Variants in HERC1 observed in about 807,000 individuals in gnomAD.
HERC1 encodes probable E3 ubiquitin-protein ligase HERC1.
A neutral mutation model predicts 554.3 loss-of-function variants in HERC1; 160 were observed. That is an observed-to-expected ratio of 0.29 (90% CI 0.25 to 0.33). The LOEUF (loss-of-function observed/expected upper bound fraction) is 0.33, where lower values mean the gene tolerates loss of function less well. HERC1 is among the 10% of genes least tolerant of loss of function. The pLI, the probability that HERC1 is intolerant of heterozygous loss-of-function variation, is 1.00. For synonymous variants in HERC1, 2,175 were observed against 2,131.7 expected, an observed-to-expected ratio of 1.02 and a Z score of -0.56; for missense variants, 4,919 against 5,918.5, an observed-to-expected ratio of 0.83 and a Z score of 5.54.
intron 8 of HERC1, 46 bp downstream of exon 8, chr15:63,752,912 T>C (rs1427532076): frequency 1.3e-6 from 2 of 1,553,598 alleles, no homozygotes; most frequent in Non-Finnish European, 1.8e-6. Context: ...AGTCACCTAA[T>C]CCTCTGAAAT....
Position 63,643,418 on chromosome 15 carries a change from T to A in HERC1, c.11317A>T (p.Ile3773Phe). The A allele has an allele frequency of 6.2e-7, 1 of 1,613,054 alleles. No homozygotes were observed. Among genetic ancestry groups the A allele is most frequent in the Non-Finnish European group, 8.5e-7 (1 of 1,179,510 alleles). The change falls in exon 58 of 78, where the codon ATT (isoleucine) becomes TTT (phenylalanine). Residue 3773 changes from isoleucine to phenylalanine, a missense_variant. By Grantham distance (21) the Ile-to-Phe change is conservative. Coordinates refer to ENST00000443617, the MANE Select transcript of HERC1 (RefSeq NM_003922.4). ...TATGCTCTTACCCTTAAAGACCAAA[T>A]GTTCATGAGCCCACCTAGTCCACCA... ...VSGGLGGLMN[I>F]WSLRDGSVLQ... is the part of the protein sequence containing the mutation.
At chr15:63,819,488 G>A (rs759653725) in intron 1 of HERC1, among the ~76,000 whole-genome samples, 7 of 152,152 alleles carry the variant, frequency 4.6e-5, no homozygotes, top group Admixed American at 1.3e-4. Context: ...AGGTTTCAAG[G>A]TCTACCAAGA....
At chr15:63,729,915 C>G (rs1399500727) in intron 14 of HERC1, among the ~76,000 whole-genome samples, 2 of 150,900 alleles carry the variant, frequency 1.3e-5, no homozygotes, top group Non-Finnish European at 2.9e-5. Context: ...ATCCCAGCTA[C>G]CGGGGAGGCT....
At chr15:63,808,649 T>C (rs2077204812) in intron 1 of HERC1, among the ~76,000 whole-genome samples, 2 of 152,190 alleles carry the variant, frequency 1.3e-5, no homozygotes, top group Non-Finnish European at 1.5e-5. Context: ...AGTTATCCAC[T>C]TGTCAAGTTC....
intron 65 of HERC1, among the ~76,000 whole-genome samples, chr15:63,635,380 C>A (rs2068737848): frequency 6.6e-6 from 1 of 152,138 alleles, no homozygotes; most frequent in Admixed American, 6.6e-5. Flanking sequence ...AAGTTGCTCT[C>A]CTGCTCTCCC....
At chr15:63,738,727 T>C (rs2074656422) in intron 12 of HERC1, among the ~76,000 whole-genome samples, 2 of 152,218 alleles carry the variant, frequency 1.3e-5, no homozygotes, top group Admixed American at 6.5e-5. Flanking sequence ...TGTAACATCC[T>C]GGAACAATCT....
intron 41 of HERC1, 65 bp downstream of exon 41, chr15:63,666,291 T>C (rs553534548): frequency 5.2e-5 from 73 of 1,399,672 alleles, no homozygotes; most frequent in Non-Finnish European, 7.0e-5. Flanking sequence ...TTAAAAGTTA[T>C]GTTGTCTTTA....
Position 63,689,710 on chromosome 15 carries a change from G to A in HERC1, c.5938-11C>T, listed in dbSNP as rs749526420. On this transcript the variant is annotated splice_polypyrimidine_tract_variant and intron_variant, in intron 32 of 77. Coordinates refer to ENST00000443617, the MANE Select transcript of HERC1 (RefSeq NM_003922.4). ...TAAGCGCTCAACAATCTGTTTTATT[G>A]AAGAAAAAAGGATAAAATTTGTAAA... is the stretch of plus-strand genomic sequence containing the variant. The A allele has an allele frequency of 1.1e-5, 16 of 1,443,874 alleles. No individual in the cohort carries two copies. The highest frequency in any genetic ancestry group is 1.5e-5 in the Non-Finnish European group (16 of 1,065,314). 89.4% of individuals were successfully genotyped at this position (1,443,874 alleles called of 1,614,324 possible).
intron 37 of HERC1, among the ~76,000 whole-genome samples, chr15:63,676,216 T>C (rs1376441916): frequency 6.6e-6 from 1 of 152,146 alleles, no homozygotes; most frequent in African/African-American, 2.4e-5. Flanking sequence ...GTATGCATCT[T>C]AACCAGGCAT....
intron 1 of HERC1, among the ~76,000 whole-genome samples, chr15:63,820,918 G>A (rs954235847): frequency 2.6e-5 from 4 of 151,858 alleles, no homozygotes; most frequent in Admixed American, 6.5e-5. Context: ...TTATCATTAG[G>A]GGACAACAAA....
In HERC1 at chr15:63,624,254, CT is replaced by C; in HGVS notation, c.13348del (p.Arg4450GlufsTer11). ...QGQLRPLLAP[R>X]VYTLPMVRSI... Reference sequence around the variant, plus strand: ...GCGCACCATTGGCAGAGTGTAGACTCTTGGGGCTAACAAAGGCCGAAGTTGT... The same window carrying C: ...GCGCACCATTGGCAGAGTGTAGACTCTGGGGCTAACAAAGGCCGAAGTTGT... On this transcript the variant is annotated frameshift_variant, in exon 72 of 78. Coordinates refer to ENST00000443617, the MANE Select transcript of HERC1 (RefSeq NM_003922.4). LOFTEE classifies it high-confidence loss of function. 1 of 1,613,714 alleles carries C rather than the reference CT, an allele frequency of 6.2e-7. No homozygotes were observed. Among genetic ancestry groups the C allele is most frequent in the Non-Finnish European group, 8.5e-7 (1 of 1,179,740 alleles).
chr15:63,641,420 C>T (rs1190521878), intron 60 of HERC1, 50 bp downstream of exon 60: 2 of 1,490,726 alleles, frequency 1.3e-6, no homozygotes, highest in South Asian at 2.5e-5. Flanking sequence ...TAATCACATT[C>T]CAAAGCACCA....
intron 12 of HERC1, among the ~76,000 whole-genome samples, 156 bp from the exon 13 acceptor site, chr15:63,735,005 TAAG>T (rs2074438672): frequency 6.6e-6 from 1 of 152,200 alleles, no homozygotes; most frequent in Non-Finnish European, 1.5e-5. Flanking sequence ...CAGATGTCTT[TAAG>T]AAGACTATGA....
chr15:63,745,240 A>G (rs56019571), intron 12 of HERC1, among the ~76,000 whole-genome samples: 37,021 of 152,040 alleles, frequency 0.24, 5,177 homozygotes, highest in Middle Eastern at 0.35. Context: ...GGGTGAGCCA[A>G]CACTCCCTTG....
At chr15:63,832,702 T>C (rs2078198636) in intron 1 of HERC1, among the ~76,000 whole-genome samples, 1 of 152,218 alleles carries the variant, frequency 6.6e-6, no homozygotes, top group African/African-American at 2.4e-5. Context: ...AAGATAGTGA[T>C]GGCAGAGTTC....
In HERC1 at chr15:63,630,485, C is replaced by G. The variant is rs762524456; in HGVS notation, c.12947G>C (p.Gly4316Ala). Residue 4316 changes from glycine (G) to alanine (A), a missense_variant, in exon 69 of 78, where the codon GGG becomes GCG. This residue lies in a region of HERC1 where 410 missense variants were observed against 467.0 expected (regional missense o/e 0.88). Transcript: ENST00000443617. ...ATTTACCTGCCCTTCTGAATTGCTCCCCCAGGCATACACATCTCCATTTGA... is the reference window on the plus strand; with the variant it reads ...ATTTACCTGCCCTTCTGAATTGCTCGCCCAGGCATACACATCTCCATTTGA... The part of the protein sequence containing the change: ...LASNGDVYAW[G>A]SNSEGQLGLG... The G allele has an allele frequency of 6.2e-7, 1 of 1,612,756 alleles. No homozygotes were observed. The highest frequency in any genetic ancestry group is 8.5e-7 in the Non-Finnish European group (1 of 1,179,520).
intron 50 of HERC1, 63 bp from the exon 51 acceptor site, chr15:63,654,387 A>T: frequency 8.0e-7 from 1 of 1,249,110 alleles, no homozygotes; most frequent in East Asian, 2.5e-5. Flanking sequence ...TGCTTAAACA[A>T]AACATGAAAT....
rs147811925 is a variant in HERC1, at chr15:63,791,308, T to C, written c.-26-15659A>G. ...AAAATCTGAAATGTTCCAATGAGCA[T>C]CTCCTTGGTATATTATGCTGGGACT... On this transcript the variant is annotated intron_variant, in intron 1 of 77. Transcript: ENST00000443617. Among the ~76,000 whole-genome samples the C allele has an allele frequency of 2.7e-3, 416 of 152,326 alleles. 4 individuals carry two copies. The highest frequency in any genetic ancestry group is 4.1e-3 in the Admixed American group (63 of 15,302).
Position 63,764,228 on chromosome 15 carries a change from G to C in HERC1, c.931-37C>G, listed in dbSNP as rs1339214019. 3 of 1,408,794 alleles carry C rather than the reference G, an allele frequency of 2.1e-6. No individual in the cohort carries two copies. In the South Asian group the frequency reaches 3.6e-5, roughly 17 times the overall value. The allele number at this position is 1,408,794 out of a possible 1,614,324, so 87.3% of individuals were successfully genotyped here. On this transcript the variant is annotated intron_variant, in intron 2 of 77. Coordinates refer to ENST00000443617, the MANE Select transcript of HERC1 (RefSeq NM_003922.4). ...ACATTGCGGGACACAGCGTAGGAAG[G>C]GGAGAGACATATGCATTAAAATTAG... is the stretch of plus-strand genomic sequence containing the variant.
Sources: allele counts gnomAD v4.1 joint callset (sites outside exome capture counted in the v4.1 genomes callset), GRCh38; gene constraint gnomAD v4.1.1; regional missense constraint gnomAD v4.1.1; transcripts MANE v1.5; gene names NCBI Gene and HGNC (gene_info 2026-07-23, HGNC 2026-07-21).